The following HEG1 variants were observed in gnomAD, a reference collection of about 807,000 sequenced individuals.
The protein encoded by HEG1 is protein HEG homolog 1.
Under a neutral mutation model 125.6 loss-of-function variants are expected in HEG1, and 56 were observed. The observed-to-expected ratio is 0.45, with a 90% CI of 0.36 to 0.56. HEG1 has a LOEUF of 0.56. HEG1 is among the 20% of genes least tolerant of loss of function. HEG1 has a pLI of 0.00. For missense variants in HEG1, 1,523 were observed against 1,670.0 expected, an observed-to-expected ratio of 0.91 and a Z score of 1.53; for synonymous variants, 644 against 668.5, an observed-to-expected ratio of 0.96 and a Z score of 0.57.
In HEG1 at chr3:125,022,692, AAAAGAAATAAATAAATAAAAAG is replaced by A. The variant is rs1937352772; in HGVS notation, c.914-1584_914-1563del. Among the ~76,000 whole-genome samples the A allele has an allele frequency of 2.7e-5, 3 of 112,546 alleles. No individual in the cohort carries two copies. In the South Asian group the frequency reaches 1.0e-3, roughly 38 times the overall value. The allele number at this position is 112,546 out of a possible 152,430, so 73.8% of individuals were successfully genotyped here. ...AAAACACACTTCAGTATTAAAAAAA[AAAAGAAATAAATAAATAAAAAG>A]AAAAGAAAGCATTATAGATATGCCC... On this transcript the variant is annotated intron_variant, in intron 3 of 16. Coordinates refer to ENST00000311127, the MANE Select transcript of HEG1 (RefSeq NM_020733.2).
intron 12 of HEG1, among the ~76,000 whole-genome samples, chr3:124,994,228 A>T (rs1013855876): frequency 6.6e-6 from 1 of 152,154 alleles, no homozygotes; most frequent in African/African-American, 2.4e-5. Flanking sequence ...CTCCTATGAG[A>T]ATCTAATGCT....
At chr3:125,001,771 A>G in intron 11 of HEG1, 81 bp downstream of exon 11, 3 of 1,480,096 alleles carry the variant, frequency 2.0e-6, no homozygotes, top group Non-Finnish European at 1.8e-6. Context: ...CCTGGGCCTG[A>G]GCCCTGGATG....
At chr3:124,988,583 G>C (rs555602988) in intron 14 of HEG1, among the ~76,000 whole-genome samples, 1 of 152,038 alleles carries the variant, frequency 6.6e-6, no homozygotes, top group Non-Finnish European at 1.5e-5. Flanking sequence ...AAGAGTACAG[G>C]GTTGTTTACT....
intron 1 of HEG1, among the ~76,000 whole-genome samples, chr3:125,045,120 G>T (rs929437045): frequency 6.6e-6 from 1 of 152,228 alleles, no homozygotes; most frequent in Non-Finnish European, 1.5e-5. Flanking sequence ...AGGAAGAGAT[G>T]ATGTGTTTGC....
intron 14 of HEG1, among the ~76,000 whole-genome samples, chr3:124,981,074 A>G (rs866936314): frequency 2.2e-4 from 34 of 151,686 alleles, no homozygotes; most frequent in African/African-American, 8.0e-4. Flanking sequence ...CCTGGCCCCA[A>G]GTGGTCCTCT....
At chr3:125,021,900 C>T (rs1318424741) in intron 3 of HEG1, among the ~76,000 whole-genome samples, 1 of 152,220 alleles carries the variant, frequency 6.6e-6, no homozygotes, top group Non-Finnish European at 1.5e-5. Flanking sequence ...CTCAAATCTG[C>T]ATACTACTCC....
At chr3:124,999,238 A>T (rs1473767597) in intron 11 of HEG1, among the ~76,000 whole-genome samples, 1 of 152,234 alleles carries the variant, frequency 6.6e-6, no homozygotes, top group East Asian at 1.9e-4. Flanking sequence ...CTCAATCAGA[A>T]CCACATTTGT....
intron 14 of HEG1, among the ~76,000 whole-genome samples, chr3:124,983,146 C>CT (rs1383100035): frequency 6.6e-6 from 1 of 152,192 alleles, no homozygotes; most frequent in Non-Finnish European, 1.5e-5. Context: ...AATAAACTCT[C>CT]TTTGTCGCTT....
intron 8 of HEG1, among the ~76,000 whole-genome samples, chr3:125,007,858 T>C (rs568544236): frequency 6.6e-6 from 1 of 152,184 alleles, no homozygotes; most frequent in Non-Finnish European, 1.5e-5. Flanking sequence ...AATATCTTAG[T>C]GCGTGGCTAA....
At chr3:124,982,392 TTA>T (rs748705512) in intron 14 of HEG1, among the ~76,000 whole-genome samples, 2 of 152,232 alleles carry the variant, frequency 1.3e-5, no homozygotes, top group Non-Finnish European at 2.9e-5. Flanking sequence ...TTTCCTAGCT[TTA>T]GAGGTGCTCT....
chr3:125,021,693 GGGTTCT>G (rs1937337945), intron 3 of HEG1, among the ~76,000 whole-genome samples: 1 of 152,166 alleles, frequency 6.6e-6, no homozygotes, highest in East Asian at 1.9e-4. Context: ...TCACCATCAA[GGGTTCT>G]TTATTTTTCC....
chr3:125,009,342 G>C (rs1937117142), intron 8 of HEG1, among the ~76,000 whole-genome samples: 1 of 148,042 alleles, frequency 6.8e-6, no homozygotes, highest in African/African-American at 2.5e-5. Flanking sequence ...TTTTTTCCTA[G>C]CTCCAGGGTG....
intron 12 of HEG1, among the ~76,000 whole-genome samples, chr3:124,991,392 C>T (rs1383870824): frequency 6.6e-6 from 1 of 152,182 alleles, no homozygotes; most frequent in African/African-American, 2.4e-5. Context: ...TCAAAGTGAT[C>T]TGCCCGCCTC....
intron 15 of HEG1, 63 bp from the exon 16 acceptor site, chr3:124,973,968 C>A: frequency 1.8e-6 from 2 of 1,108,326 alleles, no homozygotes; most frequent in Non-Finnish European, 2.6e-6. Flanking sequence ...GTGAAAGCAC[C>A]AACTATGATT....
chr3:125,022,396 C>CGAGAGAGAGAGAGAGA (rs10565452), intron 3 of HEG1, among the ~76,000 whole-genome samples: 2 of 142,630 alleles, frequency 1.4e-5, no homozygotes, highest in African/African-American at 5.2e-5. Flanking sequence ...ATCACTACAG[C>CGAGAGAGAGAGAGAGA]GAGAGAGAGA....
At chr3:125,015,488 T>C (rs1266282480) in intron 5 of HEG1, among the ~76,000 whole-genome samples, 1 of 152,190 alleles carries the variant, frequency 6.6e-6, no homozygotes, top group African/African-American at 2.4e-5. Context: ...TACACGGCAT[T>C]AGTACAATGG....
chr3:125,020,623 G>C (rs564286664), intron 4 of HEG1, among the ~76,000 whole-genome samples, 169 bp downstream of exon 4: 3 of 152,260 alleles, frequency 2.0e-5, no homozygotes, highest in Admixed American at 6.5e-5. Context: ...AATGACACCT[G>C]TCTGACTAAC....
At chr3:124,977,597 GTT>G (rs1240673928) in intron 15 of HEG1, among the ~76,000 whole-genome samples, 1 of 152,112 alleles carries the variant, frequency 6.6e-6, no homozygotes, top group East Asian at 1.9e-4. Flanking sequence ...ATGAAGCCCA[GTT>G]TATTTCTTTT....
intron 12 of HEG1, among the ~76,000 whole-genome samples, chr3:124,993,049 A>C (rs1449810976): frequency 1.3e-5 from 2 of 152,118 alleles, no homozygotes; most frequent in Admixed American, 6.5e-5. Context: ...TCTTGGCCCC[A>C]TTGTTTTAAA....
Sources: allele counts gnomAD v4.1 joint callset (sites outside exome capture counted in the v4.1 genomes callset), GRCh38; gene constraint gnomAD v4.1.1; transcripts MANE v1.5; gene names NCBI Gene and HGNC (gene_info 2026-07-23, HGNC 2026-07-21).